The following ZNF280B variants were observed in gnomAD, a reference collection of about 807,000 sequenced individuals.
ZNF280B encodes the protein suppressor of hairy wing homolog 2.
ZNF280B carries 16 observed loss-of-function variants against 38.0 expected under a neutral mutation model. The observed-to-expected ratio is 0.42, with a 90% CI of 0.28 to 0.64. ZNF280B has a LOEUF of 0.64. Among genes scored for constraint, ZNF280B ranks in the 30% least tolerant of loss-of-function variants. ZNF280B has a pLI of 0.21. For synonymous variants in ZNF280B, 253 were observed against 230.6 expected (o/e 1.10, Z -0.88); for missense variants, 581 against 639.6 (o/e 0.91, Z 0.99).
Position 22,488,362 on chromosome 22 carries a change from T to G in ZNF280B, c.1037A>C (p.Gln346Pro). ...NDSWENHTTC[Q>P]HCHRQFPTPF... ...AGTGGGAAACTGCCGGTGGCAGTGC[T>G]GGCAGGTGGTGTGGTTTTCCCAGCT... Residue 346 changes from glutamine to proline, a missense_variant, in exon 4 of 4, where the codon CAG becomes CCG. By Grantham distance (76) the Gln-to-Pro change is moderately conservative (BLOSUM62 -1). Transcript: ENST00000626650. 1 of 1,613,908 alleles carries G rather than the reference T, an allele frequency of 6.2e-7. No individual in the cohort carries two copies. The highest frequency in any genetic ancestry group is 1.1e-5 in the South Asian group (1 of 91,058).
Position 22,488,764 on chromosome 22 carries a change from T to G in ZNF280B, c.635A>C (p.Asn212Thr). 6.2e-7 allele frequency: 1 copy of G among 1,613,894 alleles called. No individual in the cohort carries two copies. The highest frequency in any genetic ancestry group is 8.5e-7 in the Non-Finnish European group (1 of 1,179,962). Residue 212 changes from asparagine (N) to threonine (T), a missense_variant, in exon 4 of 4, where the codon AAT (asparagine) becomes ACT (threonine). Physicochemically the swap from Asn to Thr is moderately conservative, Grantham distance 65. Coordinates refer to ENST00000626650, the MANE Select transcript of ZNF280B (RefSeq NM_080764.4). ...ATTTGAGGGTGTACTTTGCTGAGTA[T>G]TCATTGTATGAAAGGTATCTGAAGG... ...SFPSDTFHTM[N>T]TQQSTPSNNV...
At chr22:22,499,585 G>C (rs2061774928) in intron 2 of ZNF280B, among the ~76,000 whole-genome samples, 1 of 151,916 alleles carries the variant, frequency 6.6e-6, no homozygotes, top group Non-Finnish European at 1.5e-5. Context: ...TTTAATAAAG[G>C]ACAAAAACTA....
intron 2 of ZNF280B, among the ~76,000 whole-genome samples, chr22:22,500,212 T>C (rs1426286176): frequency 1.3e-5 from 2 of 151,900 alleles, no homozygotes; most frequent in Non-Finnish European, 2.9e-5. Context: ...CTACTATATG[T>C]TCTAGCAATC....
chr22:22,485,856 A>T lies in ZNF280B; in HGVS notation c.*1911T>A, dbSNP rs1193202449. 1 of 151,996 alleles carries T rather than the reference A, an allele frequency of 6.6e-6. No individual in the cohort carries two copies. Among genetic ancestry groups the T allele is most frequent in the African/African-American group, 2.4e-5 (1 of 41,358 alleles). 9.4% of individuals were successfully genotyped at this position (151,996 alleles called of 1,614,324 possible). On this transcript the variant is annotated 3_prime_UTR_variant, in exon 4 of 4. Transcript: ENST00000626650. ...TGGGCACCTTGGTCAGGGGTGGAGG[A>T]ACAAAGGATGGCACCAGAACACAAG...
chr22:22,503,433 AC>A (rs1184048720), intron 2 of ZNF280B, among the ~76,000 whole-genome samples: 1 of 151,778 alleles, frequency 6.6e-6, no homozygotes, highest in Non-Finnish European at 1.5e-5. Context: ...GGCTGGTATA[AC>A]CCCCCATCTC....
At chr22:22,499,589 A>T (rs56346364) in intron 2 of ZNF280B, among the ~76,000 whole-genome samples, 4,657 of 152,034 alleles carry the variant, frequency 0.031, 143 homozygotes, top group African/African-American at 0.074. Flanking sequence ...ATAAAGGACA[A>T]AAACTACACC....
intron 2 of ZNF280B, among the ~76,000 whole-genome samples, chr22:22,500,257 C>A (rs970892489): frequency 6.6e-6 from 1 of 151,716 alleles, no homozygotes; most frequent in Non-Finnish European, 1.5e-5. Context: ...TAATTGAAAG[C>A]AGGGTCTCGA....
At chr22:22,502,588 T>C (rs2061847653) in intron 2 of ZNF280B, among the ~76,000 whole-genome samples, 1 of 151,890 alleles carries the variant, frequency 6.6e-6, no homozygotes, top group Non-Finnish European at 1.5e-5. Flanking sequence ...GAAATACTAT[T>C]CAGCCATAAA....
At chr22:22,494,333 A>G (rs2061653831) in intron 2 of ZNF280B, among the ~76,000 whole-genome samples, 153 bp from the exon 3 acceptor site, 1 of 151,946 alleles carries the variant, frequency 6.6e-6, no homozygotes, top group Non-Finnish European at 1.5e-5. Flanking sequence ...TTAACCCTCC[A>G]TCCAACCATC....
chr22:22,490,366 A>G (rs979106882), intron 3 of ZNF280B, among the ~76,000 whole-genome samples: 1 of 152,016 alleles, frequency 6.6e-6, no homozygotes, highest in Non-Finnish European at 1.5e-5. Context: ...ACCAATGCCT[A>G]GAAGACTACA....
At chr22:22,503,619 C>T (rs1162147392) in intron 2 of ZNF280B, among the ~76,000 whole-genome samples, 1 of 151,928 alleles carries the variant, frequency 6.6e-6, no homozygotes, top group African/African-American at 2.4e-5. Flanking sequence ...AGTTATATCT[C>T]CTTGCAGAGT....
intron 2 of ZNF280B, among the ~76,000 whole-genome samples, chr22:22,501,019 C>CAAAAAAAAAAAAA (rs56907724): frequency 1.5e-4 from 9 of 60,256 alleles, no homozygotes; most frequent in East Asian, 1.0e-3. Flanking sequence ...GACTCCGTCT[C>CAAAAAAAAAAAAA]AAAAAAAAAA....
intron 2 of ZNF280B, among the ~76,000 whole-genome samples, chr22:22,507,523 C>T (rs994121225): frequency 2.0e-5 from 3 of 151,114 alleles, no homozygotes; most frequent in Admixed American, 1.3e-4. Flanking sequence ...TAAAAGGAGT[C>T]AGCTTTATAT....
intron 2 of ZNF280B, among the ~76,000 whole-genome samples, chr22:22,500,653 C>T (rs977077513): frequency 2.6e-5 from 4 of 151,472 alleles, no homozygotes; most frequent in African/African-American, 4.9e-5. Flanking sequence ...GTCAGGAGTT[C>T]GAGATCAGCT....
Position 22,485,637 on chromosome 22 carries a change from C to T in ZNF280B, c.*2130G>A, listed in dbSNP as rs1157992078. 6.6e-6 allele frequency: 1 copy of T among 151,898 alleles called. No individual in the cohort carries two copies. The highest frequency in any genetic ancestry group is 1.5e-5 in the Non-Finnish European group (1 of 68,016). 9.4% of individuals were successfully genotyped at this position (151,898 alleles called of 1,614,324 possible). The stretch of plus-strand genomic sequence containing the variant: ...ACTGCCTTCTACTCTAAGAGGGATG[C>T]TAAGCTCTTAATTATCTCTTCCCGG... On this transcript the variant is annotated 3_prime_UTR_variant, in exon 4 of 4. Transcript: ENST00000626650.
chr22:22,488,580 G>A lies in ZNF280B; in HGVS notation c.819C>T (p.Thr273=), dbSNP rs762637952. The change falls in exon 4 of 4, where the codon ACC becomes ACT. Residue 273 remains threonine (T), a synonymous_variant. Transcript: ENST00000626650. ...DILSLTSQNK[T]FDPKKENPIV... The stretch of plus-strand genomic sequence containing the variant: ...TGGGATTTTCTTTCTTGGGATCAAA[G>A]GTCTTGTTTTGACTTGTTAGACTCA... 11 of 1,613,816 alleles carry A rather than the reference G, an allele frequency of 6.8e-6. No homozygotes were observed. In the South Asian group the frequency reaches 7.7e-5, roughly 11 times the overall value.
Position 22,488,595 on chromosome 22 carries a change from T to C in ZNF280B, c.804A>G (p.Thr268=), listed in dbSNP as rs2061534827. Residue 268 remains threonine (T), a synonymous_variant, in exon 4 of 4, where the codon ACA becomes ACG. Transcript: ENST00000626650. Reference sequence around the variant, plus strand: ...TGGGATCAAAGGTCTTGTTTTGACTTGTTAGACTCAAAATGTCTGTTTTTG... The same window carrying C: ...TGGGATCAAAGGTCTTGTTTTGACTCGTTAGACTCAAAATGTCTGTTTTTG... The part of the protein sequence containing the change: ...ELAKTDILSL[T]SQNKTFDPKK... 1 of 1,613,900 alleles carries C rather than the reference T, an allele frequency of 6.2e-7. No individual in the cohort carries two copies. Among genetic ancestry groups the C allele is most frequent in the Non-Finnish European group, 8.5e-7 (1 of 1,179,974 alleles).
Position 22,487,407 on chromosome 22 carries a change from G to A in ZNF280B, c.*360C>T, listed in dbSNP as rs1364770492. Reference sequence around the variant, plus strand: ...TGCAGTGAGCTAGGATCACGCCACTGCACTCCAGCCTGGGTAACAGTGAGA... The same window carrying A: ...TGCAGTGAGCTAGGATCACGCCACTACACTCCAGCCTGGGTAACAGTGAGA... On this transcript the variant is annotated 3_prime_UTR_variant, in exon 4 of 4. Coordinates refer to ENST00000626650, the MANE Select transcript of ZNF280B (RefSeq NM_080764.4). The A allele has an allele frequency of 7.3e-6, 1 of 136,256 alleles. No homozygotes were observed. Among genetic ancestry groups the A allele is most frequent in the East Asian group, 2.1e-4 (1 of 4,732 alleles). The allele number at this position is 136,256 out of a possible 1,614,324, so 8.4% of individuals were successfully genotyped here.
rs151334819 is a variant in ZNF280B at position 22,489,130 on chromosome 22, C to A, written c.269G>T (p.Ser90Ile). 577 of 1,613,814 alleles carry A rather than the reference C, an allele frequency of 3.6e-4. No individual in the cohort carries two copies. The highest frequency in any genetic ancestry group is 4.0e-4 in the Non-Finnish European group (468 of 1,179,948). ...TGCTTCTGATGTAACGGTCTCATGA[C>A]TTTTAGGCTGCAATTTGCGAGCAGT... is the stretch of plus-strand genomic sequence containing the variant. ...KDTARKLQPK[S>I]HETVTSEAVT... The change falls in exon 4 of 4, where the codon AGT (serine) becomes ATT (isoleucine). Residue 90 changes from serine (S) to isoleucine (I), a missense_variant. Ser to Ile is a moderately radical substitution (Grantham distance 142, BLOSUM62 -2). Coordinates refer to ENST00000626650, the MANE Select transcript of ZNF280B (RefSeq NM_080764.4).
Sources: gnomAD v4.1 joint callset for allele counts (sites outside exome capture counted in the v4.1 genomes callset) on GRCh38, gnomAD v4.1.1 for gene constraint, MANE v1.5 for transcripts, NCBI Gene and HGNC (gene_info 2026-07-23, HGNC 2026-07-21) for gene names.